The following SPHKAP variants were observed in gnomAD, a reference collection of about 807,000 sequenced individuals.
SPHKAP encodes the protein SPHK1 interactor, AKAP domain containing, also known as A-kinase anchor protein SPHKAP.
A neutral mutation model predicts 137.5 loss-of-function variants in SPHKAP; 67 were observed. The observed-to-expected ratio is 0.49, with a 90% CI of 0.40 to 0.60. SPHKAP has a LOEUF of 0.60. Among genes scored for constraint, SPHKAP ranks in the 20% least tolerant of loss-of-function variants. The probability of loss-of-function intolerance (pLI) is 0.00; values close to 1 mark genes in which losing one functional copy is unlikely to be tolerated. For synonymous variants in SPHKAP, 813 were observed against 785.3 expected, an observed-to-expected ratio of 1.04 and a Z score of -0.59; for missense variants, 2,097 against 2,069.3, an observed-to-expected ratio of 1.01 and a Z score of -0.26.
chr2:228,092,210 T>C lies in SPHKAP; in HGVS notation c.246+16622A>G, dbSNP rs558920396. Among the ~76,000 whole-genome samples, 376 of 77,534 alleles carry C rather than the reference T, an allele frequency of 4.8e-3. 2 individuals are homozygous for C. The highest frequency in any genetic ancestry group is 0.014 in the African/African-American group (348 of 25,478). 50.9% of individuals were successfully genotyped at this position (77,534 alleles called of 152,430 possible). A position where few individuals can be genotyped will look rare whatever the true frequency, so the allele number is the denominator to read the frequency against. On this transcript the variant is annotated intron_variant, in intron 3 of 11. Coordinates refer to ENST00000392056, the MANE Select transcript of SPHKAP (RefSeq NM_001142644.2). ...ACATGCATACACATGCATACACACA[T>C]ATATACACACATATATACACACATG...
intron 3 of SPHKAP, among the ~76,000 whole-genome samples, chr2:228,053,086 G>T (rs1696314412): frequency 6.6e-6 from 1 of 152,132 alleles, no homozygotes; most frequent in South Asian, 2.1e-4. Context: ...CTTGATTCCT[G>T]CTGAAGGCTC....
chr2:228,051,689 T>C (rs1226504402), intron 3 of SPHKAP, among the ~76,000 whole-genome samples: 1 of 152,224 alleles, frequency 6.6e-6, no homozygotes, highest in Non-Finnish European at 1.5e-5. Context: ...CTTAGTCTGT[T>C]CAGGCTGCTA....
rs150199700 is a variant in SPHKAP, at chr2:228,071,480, C to G, written c.246+37352G>C. Among the ~76,000 whole-genome samples, 33 of 152,298 alleles carry G rather than the reference C, an allele frequency of 2.2e-4. No individual in the cohort carries two copies. In the South Asian group the frequency reaches 3.7e-3, roughly 17 times the overall value. ...CCATTCTTTGCTGGCACTAAGTTCT[C>G]CGGCTTTACACTCTTTGGCTTCCCT... On this transcript the variant is annotated intron_variant, in intron 3 of 11. Coordinates refer to ENST00000392056, the MANE Select transcript of SPHKAP (RefSeq NM_001142644.2).
intron 7 of SPHKAP, among the ~76,000 whole-genome samples, 178 bp downstream of exon 7, chr2:228,016,228 T>C (rs1414708488): frequency 6.6e-6 from 1 of 152,152 alleles, no homozygotes; most frequent in Non-Finnish European, 1.5e-5. Flanking sequence ...TTGTTACATA[T>C]GTATACATGT....
Position 227,995,642 on chromosome 2 carries a change from T to G in SPHKAP, c.4501A>C (p.Arg1501=). The G allele has an allele frequency of 6.2e-7, 1 of 1,613,302 alleles. No individual in the cohort carries two copies. Among genetic ancestry groups the G allele is most frequent in the Non-Finnish European group, 8.5e-7 (1 of 1,179,808 alleles). ...GGGTTGGGGGCCTCATCGGGGGCTC[T>G]GGCTTCTGTGGAGGCTTCAGCCTCT... ...VPEAEASTEA[R]APDEAPNPPS... is the part of the protein sequence containing the mutation. The change falls in exon 8 of 12, where the codon AGA becomes CGA. Residue 1501 remains arginine, a synonymous_variant. Transcript: ENST00000392056.
At chr2:228,047,029 A>G (rs1431746309) in intron 3 of SPHKAP, among the ~76,000 whole-genome samples, 4 of 152,242 alleles carry the variant, frequency 2.6e-5, no homozygotes, top group Admixed American at 2.6e-4. Flanking sequence ...TTTAAATTTC[A>G]GTATCAGTAC....
At chr2:228,142,088 C>G (rs986293724) in intron 1 of SPHKAP, among the ~76,000 whole-genome samples, 1 of 152,110 alleles carries the variant, frequency 6.6e-6, no homozygotes, top group Non-Finnish European at 1.5e-5. Flanking sequence ...TGGAATGGGA[C>G]TCTGGCTTGA....
chr2:227,991,108 T>A lies in SPHKAP; in HGVS notation c.4851A>T (p.Pro1617=). The A allele has an allele frequency of 6.2e-7, 1 of 1,614,154 alleles. No homozygotes were observed. The highest frequency in any genetic ancestry group is 1.1e-5 in the South Asian group (1 of 91,080). The change falls in exon 11 of 12, where the codon CCA becomes CCT. Residue 1617 remains proline, a synonymous_variant. Transcript: ENST00000392056. The part of the protein sequence containing the change: ...SLLVINFDLE[P]ECPDAELRAT... Reference sequence around the variant, plus strand: ...CTCGGAGCTCGGCATCTGGACACTCTGGCTCCAGGTCAAAGTTGATCACCA... The same window carrying A: ...CTCGGAGCTCGGCATCTGGACACTCAGGCTCCAGGTCAAAGTTGATCACCA...
At chr2:228,119,919 T>C (rs1451369213) in intron 2 of SPHKAP, among the ~76,000 whole-genome samples, 1 of 152,178 alleles carries the variant, frequency 6.6e-6, no homozygotes, top group African/African-American at 2.4e-5. Flanking sequence ...ATTATTCATA[T>C]GACATATTCT....
chr2:228,143,753 G>A (rs951235966), intron 1 of SPHKAP, among the ~76,000 whole-genome samples: 2 of 139,052 alleles, frequency 1.4e-5, no homozygotes, highest in Admixed American at 8.0e-5. Context: ...TGATCTGCCC[G>A]CCTTAGCCTC....
chr2:228,174,738 G>A (rs540120937), intron 1 of SPHKAP, among the ~76,000 whole-genome samples: 3 of 152,280 alleles, frequency 2.0e-5, no homozygotes, highest in Admixed American at 2.0e-4. Context: ...CCTAGGTATG[G>A]CAGAGATGTT....
chr2:228,069,445 C>CTTTTTTTTTTTTTTTTTTT (rs1250162411), intron 3 of SPHKAP, among the ~76,000 whole-genome samples: 1 of 81,492 alleles, frequency 1.2e-5, no homozygotes, highest in African/African-American at 4.7e-5. Context: ...TTCTTTCTTT[C>CTTTTTTTTTTTTTTTTTTT]TTTCTTTTTT....
At chr2:228,180,420 T>C (rs1027986902) in intron 1 of SPHKAP, among the ~76,000 whole-genome samples, 2 of 143,882 alleles carry the variant, frequency 1.4e-5, no homozygotes, top group African/African-American at 5.0e-5. Flanking sequence ...TCCTTGGCAA[T>C]GTAGTATCAC....
intron 7 of SPHKAP, among the ~76,000 whole-genome samples, chr2:228,001,208 G>A (rs1310476928): frequency 2.1e-5 from 3 of 146,160 alleles, no homozygotes; most frequent in Admixed American, 1.4e-4. Context: ...CAGGCCTTTT[G>A]ATCATTTTTC....
chr2:228,136,505 A>G (rs1374512756), intron 1 of SPHKAP, among the ~76,000 whole-genome samples: 28 of 152,204 alleles, frequency 1.8e-4, no homozygotes, highest in Admixed American at 1.8e-3. Context: ...GGTCACATCA[A>G]TAGTGAAAAT....
intron 1 of SPHKAP, among the ~76,000 whole-genome samples, chr2:228,176,065 C>T (rs1197951842): frequency 6.6e-6 from 1 of 152,214 alleles, no homozygotes; most frequent in Non-Finnish European, 1.5e-5. Flanking sequence ...AAGTAGTTTT[C>T]GCATTTCCCA....
intron 3 of SPHKAP, among the ~76,000 whole-genome samples, chr2:228,073,099 A>G (rs1697054362): frequency 6.6e-6 from 1 of 152,266 alleles, no homozygotes; most frequent in South Asian, 2.1e-4. Flanking sequence ...CTTTGAAAAC[A>G]TCTAGTCAAA....
intron 1 of SPHKAP, among the ~76,000 whole-genome samples, chr2:228,171,569 G>A (rs886159160): frequency 6.6e-6 from 1 of 152,116 alleles, no homozygotes; most frequent in Admixed American, 6.6e-5. Flanking sequence ...AATAAGAGAA[G>A]GACTGATCAG....
chr2:228,014,914 A>G (rs1480717474), intron 7 of SPHKAP, among the ~76,000 whole-genome samples: 1 of 152,050 alleles, frequency 6.6e-6, no homozygotes, highest in African/African-American at 2.4e-5. Context: ...TGTTTTTTAA[A>G]TTTAATTTTA....
Sources: allele counts gnomAD v4.1 joint callset (sites outside exome capture counted in the v4.1 genomes callset), GRCh38; gene constraint gnomAD v4.1.1; transcripts MANE v1.5; gene names NCBI Gene and HGNC (gene_info 2026-07-23, HGNC 2026-07-21).